Variants in BBS9 observed in about 807,000 individuals in gnomAD.
BBS9 encodes the protein protein PTHB1.
In BBS9, 89 loss-of-function variants were observed where a neutral mutation model predicts 117.7. The ratio of observed to expected loss-of-function variants is 0.76; its 90% CI spans 0.64 to 0.90. BBS9 has a LOEUF of 0.90. Ranked by LOEUF, BBS9 falls within the 40% of genes least tolerant of loss-of-function variation. The pLI is 0.00. For synonymous variants in BBS9, 379 were observed against 370.9 expected (o/e 1.02, Z -0.25); for missense variants, 982 against 1,042.2 (o/e 0.94, Z 0.80).
chr7:33,483,411 G>T (rs1210997715), intron 19 of BBS9, among the ~76,000 whole-genome samples: 2 of 152,114 alleles, frequency 1.3e-5, no homozygotes, highest in African/African-American at 2.4e-5. Flanking sequence ...TTTTACCTTA[G>T]TGCCTTCACT....
intron 9 of BBS9, among the ~76,000 whole-genome samples, chr7:33,328,728 T>C (rs935749098): frequency 2.0e-5 from 3 of 152,216 alleles, no homozygotes; most frequent in African/African-American, 7.2e-5. Context: ...CCAATGCATG[T>C]TCTTTTTATT....
intron 5 of BBS9, among the ~76,000 whole-genome samples, chr7:33,185,364 C>G (rs1436193927): frequency 1.3e-5 from 2 of 150,586 alleles, no homozygotes; most frequent in Admixed American, 1.3e-4. Flanking sequence ...TATGAATGAA[C>G]ATCTTTTTAC....
At position 33,505,592 on chromosome 7, in the gene BBS9, G is replaced by C. The variant is rs1563271285; in HGVS notation, c.2245G>C (p.Val749Leu). The change falls in exon 20 of 23, where the codon GTT becomes CTT. Residue 749 changes from valine to leucine, a missense_variant. Transcript: ENST00000242067. Reference protein sequence around the residue: ...ALWQKLSADQVAILEAAFLPL... With the variant: ...ALWQKLSADQLAILEAAFLPL... Reference sequence around the variant, plus strand: ...GTGGCAGAAGCTTAGTGCTGACCAGGTTGCTATTCTGGAAGCGGCATTTCT... The same window carrying C: ...GTGGCAGAAGCTTAGTGCTGACCAGCTTGCTATTCTGGAAGCGGCATTTCT... 1.2e-6 allele frequency: 2 copies of C among 1,614,064 alleles called. No individual in the cohort carries two copies. The highest frequency in any genetic ancestry group is 1.7e-6 in the Non-Finnish European group (2 of 1,179,978).
intron 5 of BBS9, among the ~76,000 whole-genome samples, chr7:33,235,433 A>G (rs1490456500): frequency 6.6e-6 from 1 of 152,132 alleles, no homozygotes; most frequent in East Asian, 1.9e-4. Flanking sequence ...TTGGGAGTAG[A>G]GTTTTCTTTT....
At chr7:33,421,711 A>G (rs1440968430) in intron 19 of BBS9, among the ~76,000 whole-genome samples, 1 of 152,156 alleles carries the variant, frequency 6.6e-6, no homozygotes, top group Admixed American at 6.5e-5. Context: ...TCTTGGAACA[A>G]TGTTCTATGT....
At chr7:33,518,647 G>C (rs1848172520) in intron 20 of BBS9, among the ~76,000 whole-genome samples, 1 of 152,158 alleles carries the variant, frequency 6.6e-6, no homozygotes, top group South Asian at 2.1e-4. Context: ...AGTATTTAGT[G>C]TGTCTTGTGC....
At chr7:33,601,887 G>A (rs1420171343) in intron 21 of BBS9, among the ~76,000 whole-genome samples, 1 of 152,092 alleles carries the variant, frequency 6.6e-6, no homozygotes, top group Non-Finnish European at 1.5e-5. Flanking sequence ...TTGCACACCA[G>A]GGGCTATTAC....
intron 19 of BBS9, among the ~76,000 whole-genome samples, chr7:33,442,006 C>T (rs983299246): frequency 6.6e-6 from 1 of 151,900 alleles, no homozygotes; most frequent in Non-Finnish European, 1.5e-5. Context: ...GTTCTTTTGC[C>T]TCAGCCTCCC....
At chr7:33,505,801 A>T (rs1846074482) in intron 20 of BBS9, 156 bp downstream of exon 20, 1 of 823,530 alleles carries the variant, frequency 1.2e-6, no homozygotes, top group African/African-American at 1.7e-5. Context: ...CATAATAAAA[A>T]TGTCAAACAA....
intron 9 of BBS9, among the ~76,000 whole-genome samples, chr7:33,290,877 T>A (rs1803909813): frequency 6.6e-6 from 1 of 152,228 alleles, no homozygotes; most frequent in African/African-American, 2.4e-5. Context: ...TTCCTTTTTG[T>A]CCAGACTGTT....
At chr7:33,478,900 T>C (rs948305706) in intron 19 of BBS9, among the ~76,000 whole-genome samples, 6 of 150,792 alleles carry the variant, frequency 4.0e-5, no homozygotes, top group Non-Finnish European at 7.4e-5. Flanking sequence ...TTTTTAGCAA[T>C]TTAAATATGG....
At chr7:33,148,614 C>T (rs999529326) in intron 2 of BBS9, among the ~76,000 whole-genome samples, 41 of 150,250 alleles carry the variant, frequency 2.7e-4, no homozygotes, top group Non-Finnish European at 5.3e-4. Flanking sequence ...CCACCTGCCT[C>T]GGCCTCACAA....
chr7:33,130,479 A>G (rs993505721), intron 1 of BBS9, among the ~76,000 whole-genome samples: 3 of 152,210 alleles, frequency 2.0e-5, no homozygotes, highest in Non-Finnish European at 2.9e-5. Flanking sequence ...ACCTCCTGCC[A>G]GTCAAATCCT....
intron 19 of BBS9, among the ~76,000 whole-genome samples, chr7:33,400,054 T>G (rs2128787437): frequency 6.6e-6 from 1 of 152,262 alleles, no homozygotes; most frequent in South Asian, 2.1e-4. Context: ...AGTTTTCTGC[T>G]TGCTAGTGTT....
chr7:33,634,595 C>T (rs1866054537), intron 21 of BBS9, among the ~76,000 whole-genome samples: 1 of 152,192 alleles, frequency 6.6e-6, no homozygotes, highest in African/African-American at 2.4e-5. Context: ...TACCTTGGTC[C>T]TATTACCCCA....
intron 4 of BBS9, among the ~76,000 whole-genome samples, chr7:33,166,978 G>A (rs1040403975): frequency 1.3e-5 from 2 of 152,220 alleles, no homozygotes; most frequent in Non-Finnish European, 2.9e-5. Context: ...CACGCTGGGA[G>A]CTGCAGATCA....
chr7:33,236,603 C>T (rs913365341), intron 5 of BBS9, among the ~76,000 whole-genome samples: 1 of 151,802 alleles, frequency 6.6e-6, no homozygotes, highest in Non-Finnish European at 1.5e-5. Context: ...ATTTATACAA[C>T]ACATTATAAT....
chr7:33,623,460 G>A (rs760475283), intron 21 of BBS9, among the ~76,000 whole-genome samples: 1 of 152,128 alleles, frequency 6.6e-6, no homozygotes, highest in Non-Finnish European at 1.5e-5. Context: ...TTTTGGCCAA[G>A]AGTTTGGCAT....
chr7:33,526,617 C>G (rs549305051), intron 20 of BBS9, among the ~76,000 whole-genome samples: 1 of 148,852 alleles, frequency 6.7e-6, no homozygotes, highest in African/African-American at 2.5e-5. Flanking sequence ...TTAAGCACTT[C>G]TCTGTATTGG....
Sources: allele counts gnomAD v4.1 joint callset (sites outside exome capture counted in the v4.1 genomes callset), GRCh38; gene constraint gnomAD v4.1.1; transcripts MANE v1.5; gene names NCBI Gene and HGNC (gene_info 2026-07-23, HGNC 2026-07-21).